Variants in LMNB1 observed in about 807,000 individuals in gnomAD.
LMNB1 encodes lamin B1.
A neutral mutation model predicts 67.1 loss-of-function variants in LMNB1; 23 were observed. The observed-to-expected ratio is 0.34, with a 90% confidence interval of 0.25 to 0.49. The LOEUF (loss-of-function observed/expected upper bound fraction) is 0.49. LMNB1 is among the 20% of genes least tolerant of loss of function. The pLI, the probability that LMNB1 is intolerant of heterozygous loss-of-function variation, is 0.99. For missense variants in LMNB1, 634 were observed against 746.5 expected, an observed-to-expected ratio of 0.85 and a Z score of 1.76; for synonymous variants, 281 against 282.9, an observed-to-expected ratio of 0.99 and a Z score of 0.07.
intron 4 of LMNB1, 65 bp from the exon 5 acceptor site, chr5:126,811,708 G>A: frequency 6.7e-7 from 1 of 1,494,016 alleles, no homozygotes; most frequent in Non-Finnish European, 9.1e-7. Context: ...GCCTTGAGGT[G>A]AATCATGCTT....
At position 126,810,396 on chromosome 5, in the gene LMNB1, T is replaced by C. The variant is rs746122617; in HGVS notation, c.813+46T>C. On this transcript the variant is annotated intron_variant, in intron 4 of 10. Coordinates refer to ENST00000261366, the MANE Select transcript of LMNB1 (RefSeq NM_005573.4). The stretch of plus-strand genomic sequence containing the variant: ...TCTTTTGAACACTTAAAATCATTAC[T>C]TCACAATTCCCATGATGAACATGGC... 2.8e-6 allele frequency: 4 copies of C among 1,418,028 alleles called. No homozygotes were observed. In the South Asian group the frequency reaches 4.0e-5, roughly 14 times the overall value. 87.8% of individuals were successfully genotyped at this position (1,418,028 alleles called of 1,614,324 possible).
chr5:126,804,847 C>T lies in LMNB1; in HGVS notation c.431C>T (p.Ser144Leu). 1.2e-6 allele frequency: 2 copies of T among 1,613,996 alleles called. No homozygotes were observed. The highest frequency in any genetic ancestry group is 1.1e-5 in the South Asian group (1 of 91,080). ...CGAGAATATGAAGCAGCACTGAATT[C>T]GAAAGATGCAGCTCTTGCTACTGCA... ...KLREYEAALNSKDAALATALG... is the reference protein window; with the variant it reads ...KLREYEAALNLKDAALATALG... The change falls in exon 2 of 11, where the codon TCG becomes TTG. Residue 144 changes from serine to leucine, a missense_variant. Physicochemically the swap from Ser to Leu is moderately radical, Grantham distance 145. Transcript: ENST00000261366.
chr5:126,809,097 A>T (rs1751524664), intron 3 of LMNB1, among the ~76,000 whole-genome samples: 1 of 151,046 alleles, frequency 6.6e-6, no homozygotes, highest in Non-Finnish European at 1.5e-5. Flanking sequence ...CTGGTCTTGA[A>T]CTCCTCACCT....
Position 126,836,441 on chromosome 5 carries a change from G to A in LMNB1, c.*177G>A. 3 of 528,258 alleles carry A rather than the reference G, an allele frequency of 5.7e-6. No homozygotes were observed. The highest frequency in any genetic ancestry group is 3.2e-5 in the South Asian group (1 of 31,088). The allele number at this position is 528,258 out of a possible 1,614,324, so 32.7% of individuals were successfully genotyped here. On this transcript the variant is annotated 3_prime_UTR_variant, in exon 11 of 11. Transcript: ENST00000261366. Reference sequence around the variant, plus strand: ...CTGAAAGTTTTGTAAAAGAAATCATGTCCATACACTTTGTTGCAAGATGTG... The same window carrying A: ...CTGAAAGTTTTGTAAAAGAAATCATATCCATACACTTTGTTGCAAGATGTG...
At chr5:126,833,008 C>T (rs987136999) in intron 10 of LMNB1, among the ~76,000 whole-genome samples, 8 of 152,064 alleles carry the variant, frequency 5.3e-5, no homozygotes, top group African/African-American at 1.7e-4. Context: ...TTTATTTTTT[C>T]TCATTGTACC....
At chr5:126,801,373 A>G (rs746808439) in intron 1 of LMNB1, among the ~76,000 whole-genome samples, 1 of 152,152 alleles carries the variant, frequency 6.6e-6, no homozygotes, top group African/African-American at 2.4e-5. Flanking sequence ...CTCCTATAAA[A>G]TTTCCACTGG....
In LMNB1 at chr5:126,797,692, T is replaced by C. The variant is rs148849405; in HGVS notation, c.360-7084T>C. 8.8e-3 allele frequency among the ~76,000 whole-genome samples: 1,333 copies of C among 152,324 alleles called. 8 individuals are homozygous for C. The highest frequency in any genetic ancestry group is 0.025 in the East Asian group (130 of 5,188). ...TTATATTGATGAATGAAAAATAATA[T>C]GGTTAGAAAATTATGACAAGAATAT... On this transcript the variant is annotated intron_variant, in intron 1 of 10. Transcript: ENST00000261366.
intron 5 of LMNB1, among the ~76,000 whole-genome samples, chr5:126,813,982 G>A (rs1389138683): frequency 1.3e-5 from 2 of 151,806 alleles, no homozygotes; most frequent in South Asian, 2.1e-4. Flanking sequence ...TGCAACCTCC[G>A]CCTCCCAGGT....
intron 1 of LMNB1, among the ~76,000 whole-genome samples, chr5:126,783,536 G>T (rs531749964): frequency 6.6e-5 from 10 of 152,206 alleles, no homozygotes; most frequent in Admixed American, 4.6e-4. Context: ...TAGGAAGCAG[G>T]TCCCAAGTAA....
rs74480742 is a variant in LMNB1, at chr5:126,820,859, G to A, written c.1161-51G>A. On this transcript the variant is annotated intron_variant, in intron 6 of 10. Transcript: ENST00000261366. ...TTTTTGTTTTTTTTTTTTTTAAGGC[G>A]AGAAGGGCATATGTGTTTTAAAAAT... The A allele has an allele frequency of 0.061, 80,348 of 1,311,562 alleles. 2,938 individuals carry two copies. Among genetic ancestry groups the A allele is most frequent in the Middle Eastern group, 0.073 (394 of 5,424 alleles). The allele number at this position is 1,311,562 out of a possible 1,614,324, so 81.2% of individuals were successfully genotyped here.
chr5:126,823,234 G>T (rs1751914567), intron 8 of LMNB1, among the ~76,000 whole-genome samples: 1 of 152,176 alleles, frequency 6.6e-6, no homozygotes, highest in South Asian at 2.1e-4. Context: ...CTAGCCTTGG[G>T]TGAGCTTCAG....
chr5:126,782,085 T>TTA (rs1554112209), intron 1 of LMNB1, among the ~76,000 whole-genome samples: 1 of 152,180 alleles, frequency 6.6e-6, no homozygotes, highest in Non-Finnish European at 1.5e-5. Context: ...ACTCAACACT[T>TTA]TAAACAAAAA....
chr5:126,820,833 T>C, intron 6 of LMNB1, 77 bp from the exon 7 acceptor site: 1 of 1,117,882 alleles, frequency 8.9e-7, no homozygotes, highest in Non-Finnish European at 1.3e-6. Flanking sequence ...CAGCCCTTGT[T>C]TTTTTGTTTT....
chr5:126,783,830 T>A (rs551065840), intron 1 of LMNB1, among the ~76,000 whole-genome samples: 169 of 152,210 alleles, frequency 1.1e-3, no homozygotes, highest in African/African-American at 3.7e-3. Context: ...ACTTTTTTTT[T>A]ATGCCATTAG....
At chr5:126,778,712 G>T (rs1487679617) in intron 1 of LMNB1, among the ~76,000 whole-genome samples, 1 of 152,146 alleles carries the variant, frequency 6.6e-6, no homozygotes, top group African/African-American at 2.4e-5. Context: ...GCGGCCCTCT[G>T]TCCCCAGCTT....
At chr5:126,778,279 C>A (rs997044883) in intron 1 of LMNB1, among the ~76,000 whole-genome samples, 2 of 152,064 alleles carry the variant, frequency 1.3e-5, no homozygotes, top group African/African-American at 4.8e-5. Flanking sequence ...CCGGCCGGCG[C>A]GAGACAAAGC....
At chr5:126,808,306 C>T (rs1358425364) in intron 3 of LMNB1, among the ~76,000 whole-genome samples, 1 of 151,960 alleles carries the variant, frequency 6.6e-6, no homozygotes, top group African/African-American at 2.4e-5. Context: ...GCCTCAGCCT[C>T]ACGAGTAGCT....
intron 10 of LMNB1, among the ~76,000 whole-genome samples, chr5:126,834,202 TTTC>T (rs1358448893): frequency 1.3e-5 from 2 of 151,618 alleles, no homozygotes; most frequent in Non-Finnish European, 2.9e-5. Flanking sequence ...TACAGGTTTC[TTTC>T]TTTTTTCTTT....
intron 5 of LMNB1, among the ~76,000 whole-genome samples, chr5:126,813,905 T>TTTC (rs1451791544): frequency 6.6e-6 from 1 of 152,228 alleles, no homozygotes. Context: ...GTTGTTTTTT[T>TTTC]TTCTTCTGAG....
Sources: gnomAD v4.1 joint callset for allele counts (sites outside exome capture counted in the v4.1 genomes callset) on GRCh38, gnomAD v4.1.1 for gene constraint, MANE v1.5 for transcripts, NCBI Gene and HGNC (gene_info 2026-07-23, HGNC 2026-07-21) for gene names.